UBTD2: variants seen among roughly 807,000 people sequenced by gnomAD.
UBTD2 encodes ubiquitin domain-containing protein 2.
A neutral mutation model predicts 19.8 loss-of-function variants in UBTD2; 9 were observed. The ratio of observed to expected loss-of-function variants is 0.46; its 90% CI spans 0.27 to 0.79. The LOEUF is 0.79. Among genes scored for constraint, UBTD2 ranks in the 30% least tolerant of loss-of-function variants. The probability of loss-of-function intolerance (pLI) is 0.14; values close to 1 mark genes in which losing one functional copy is unlikely to be tolerated. For synonymous variants in UBTD2, 98 were observed against 103.9 expected (o/e 0.94, Z 0.35); for missense variants, 250 against 300.4 (o/e 0.83, Z 1.24).
At chr5:172,266,341 G>A (rs140754018) in intron 1 of UBTD2, among the ~76,000 whole-genome samples, 1 of 152,292 alleles carries the variant, frequency 6.6e-6, no homozygotes, top group Non-Finnish European at 1.5e-5. Context: ...GTATCCCACT[G>A]GTTTCATCTG....
chr5:172,265,378 C>CT (rs1190418784), intron 1 of UBTD2, among the ~76,000 whole-genome samples: 1 of 152,088 alleles, frequency 6.6e-6, no homozygotes. Flanking sequence ...GTCACCCAGG[C>CT]TGGTGGAGTG....
chr5:172,229,157 T>A (rs1264882984), intron 2 of UBTD2, among the ~76,000 whole-genome samples: 1 of 152,072 alleles, frequency 6.6e-6, no homozygotes, highest in Non-Finnish European at 1.5e-5. Context: ...GAAAAGCATG[T>A]TTGAGTAACA....
intron 2 of UBTD2, among the ~76,000 whole-genome samples, chr5:172,221,320 A>G (rs1166834877): frequency 4.0e-5 from 6 of 151,646 alleles, no homozygotes; most frequent in African/African-American, 1.5e-4. Flanking sequence ...CCTGGGTAAC[A>G]TAGCAAGGCC....
At chr5:172,238,991 C>T (rs961458063) in intron 1 of UBTD2, among the ~76,000 whole-genome samples, 1 of 152,022 alleles carries the variant, frequency 6.6e-6, no homozygotes, top group Admixed American at 6.6e-5. Context: ...AGGACACTTG[C>T]AAATATTTTC....
chr5:172,242,319 T>A (rs558525464), intron 1 of UBTD2: 100 of 952,630 alleles, frequency 1.0e-4, no homozygotes, highest in South Asian at 2.9e-4. Context: ...GAAAATTTTT[T>A]AAAAAATTTA....
chr5:172,256,880 T>C (rs55724186), intron 1 of UBTD2, among the ~76,000 whole-genome samples: 5,330 of 152,282 alleles, frequency 0.035, 108 homozygotes, highest in African/African-American at 0.06. Flanking sequence ...ATCGCACCAC[T>C]GCACTCCAGT....
chr5:172,249,963 G>A (rs1296008829), intron 1 of UBTD2, among the ~76,000 whole-genome samples: 2 of 152,280 alleles, frequency 1.3e-5, no homozygotes, highest in Middle Eastern at 3.4e-3. Flanking sequence ...GACACTGAAA[G>A]GTTTCCCTTC....
intron 1 of UBTD2, among the ~76,000 whole-genome samples, chr5:172,269,586 T>C (rs950767614): frequency 4.6e-5 from 7 of 151,716 alleles, no homozygotes; most frequent in Non-Finnish European, 7.4e-5. Flanking sequence ...ATGAAAGAAA[T>C]TGAGTCGCAC....
chr5:172,274,135 CTTTT>C (rs555392614), intron 1 of UBTD2, among the ~76,000 whole-genome samples: 2 of 108,648 alleles, frequency 1.8e-5, no homozygotes, highest in Admixed American at 2.0e-4. Context: ...TTTTGCTTTA[CTTTT>C]TTTTTTTTTT....
chr5:172,283,266 A>T lies in UBTD2; in HGVS notation c.70+330T>A, dbSNP rs1308681061. ...GCTTTTCTGCAACCCCGGCGCCGCC[A>T]TCCTGATCCTCAATAATTAAACGGC... On this transcript the variant is annotated intron_variant, in intron 1 of 2. Coordinates refer to ENST00000393792, the MANE Select transcript of UBTD2 (RefSeq NM_152277.3). This position sits in a 1 kb window ranked among gnomAD's most constrained non-coding sequence, Gnocchi z 4.3. Among the ~76,000 whole-genome samples, 1 of 151,172 alleles carries T rather than the reference A, an allele frequency of 6.6e-6. No homozygotes were observed. The highest frequency in any genetic ancestry group is 1.5e-5 in the Non-Finnish European group (1 of 67,726).
chr5:172,248,440 T>TA (rs1007942501), intron 1 of UBTD2, among the ~76,000 whole-genome samples: 77 of 151,956 alleles, frequency 5.1e-4, no homozygotes, highest in African/African-American at 1.7e-3. Context: ...ATACAAAAAT[T>TA]AGCTGGGTGT....
At chr5:172,251,175 C>T (rs12652953) in intron 1 of UBTD2, among the ~76,000 whole-genome samples, 44,424 of 150,014 alleles carry the variant, frequency 0.3, 6,710 homozygotes, top group South Asian at 0.41. Context: ...AAAAATTGGC[C>T]GGGCGTGGTT....
chr5:172,263,326 G>A (rs558175556), intron 1 of UBTD2, among the ~76,000 whole-genome samples: 4 of 152,278 alleles, frequency 2.6e-5, no homozygotes, highest in East Asian at 3.9e-4. Context: ...TTCAGGGTAC[G>A]TTTGTTGTGA....
intron 2 of UBTD2, among the ~76,000 whole-genome samples, chr5:172,228,117 CT>C (rs1771807813): frequency 6.6e-6 from 1 of 152,186 alleles, no homozygotes; most frequent in African/African-American, 2.4e-5. Context: ...AGAGAATCTG[CT>C]TTTTTCTCTT....
At chr5:172,265,668 G>A (rs1221712892) in intron 1 of UBTD2, among the ~76,000 whole-genome samples, 1 of 152,072 alleles carries the variant, frequency 6.6e-6, no homozygotes, top group Non-Finnish European at 1.5e-5. Flanking sequence ...TGATAAAAGA[G>A]CCACAACTGT....
intron 1 of UBTD2, among the ~76,000 whole-genome samples, chr5:172,249,291 C>T (rs768399450): frequency 6.7e-5 from 10 of 149,090 alleles, no homozygotes; most frequent in African/African-American, 2.0e-4. Context: ...CCCAGCTACT[C>T]GGGAGGCTGA....
chr5:172,231,447 T>C (rs1378657498), intron 2 of UBTD2, among the ~76,000 whole-genome samples: 40 of 152,236 alleles, frequency 2.6e-4, no homozygotes. Context: ...TAATTCTCCC[T>C]GATCTGCTGG....
At chr5:172,227,464 T>G (rs1451293526) in intron 2 of UBTD2, among the ~76,000 whole-genome samples, 1 of 152,152 alleles carries the variant, frequency 6.6e-6, no homozygotes, top group African/African-American at 2.4e-5. Flanking sequence ...AAATCCCATC[T>G]CCTGTGTAAA....
At chr5:172,250,933 C>CAAAAAAAA in intron 1 of UBTD2, among the ~76,000 whole-genome samples, 1 of 43,936 alleles carries the variant, frequency 2.3e-5, no homozygotes, top group Non-Finnish European at 4.0e-5. Flanking sequence ...GACCCTGTCT[C>CAAAAAAAA]AAAAAAAAAA....
Sources: gnomAD v4.1 joint callset for allele counts (sites outside exome capture counted in the v4.1 genomes callset) on GRCh38, gnomAD v4.1.1 for gene constraint, Gnocchi (gnomAD v3.1) non-coding constraint, MANE v1.5 for transcripts, NCBI Gene and HGNC (gene_info 2026-07-23, HGNC 2026-07-21) for gene names.